MED26: variants seen among roughly 807,000 people sequenced by gnomAD.
The protein encoded by MED26 is mediator of RNA polymerase II transcription subunit 26.
A neutral mutation model predicts 43.7 loss-of-function variants in MED26; 7 were observed. The ratio of observed to expected loss-of-function variants is 0.16; its 90% confidence interval spans 0.09 to 0.30. The LOEUF is 0.30. MED26 is among the 10% of genes least tolerant of loss of function. The pLI is 1.00. For missense variants in MED26, 784 were observed against 840.6 expected (o/e 0.93, Z 0.83); for synonymous variants, 375 against 371.1 (o/e 1.01, Z -0.12).
At chr19:16,611,522 T>G (rs2086199357) in intron 1 of MED26, 1 of 152,148 alleles carries the variant, frequency 6.6e-6, no homozygotes. Flanking sequence ...CAGCCTACTT[T>G]TATTTTCATT....
At chr19:16,617,248 C>G (rs1035804998) in intron 1 of MED26, among the ~76,000 whole-genome samples, 1 of 152,210 alleles carries the variant, frequency 6.6e-6, no homozygotes, top group African/African-American at 2.4e-5. Flanking sequence ...AACGTGCCCC[C>G]TCCCCATTCC....
intron 1 of MED26, among the ~76,000 whole-genome samples, chr19:16,582,057 C>G (rs1405954404): frequency 6.6e-6 from 1 of 152,272 alleles, no homozygotes; most frequent in Non-Finnish European, 1.5e-5. Flanking sequence ...TTCCTGGATC[C>G]CAGCCCGGTG....
rs994115076 is a variant in MED26, at chr19:16,587,970, C to T, written c.73-9561G>A. 1 of 152,304 alleles carries T rather than the reference C, an allele frequency of 6.6e-6. No individual in the cohort carries two copies. Among genetic ancestry groups the T allele is most frequent in the African/African-American group, 2.4e-5 (1 of 41,444 alleles). The allele number at this position is 152,304 out of a possible 1,614,324, so 9.4% of individuals were successfully genotyped here. On this transcript the variant is annotated intron_variant, in intron 1 of 2. Coordinates refer to ENST00000263390, the MANE Select transcript of MED26 (RefSeq NM_004831.5). This position sits in a 1 kb window ranked among gnomAD's most constrained non-coding sequence, Gnocchi z 4.9. The stretch of plus-strand genomic sequence containing the variant: ...GGCAGGCAGCGCTGCTCTCCACAGC[C>T]ACTGCCCCCACAGCGTCCTTCCCTC...
rs375036248 is a variant in MED26, at chr19:16,595,449, C to CCCCA, written c.73-17044_73-17041dup. Among the ~76,000 whole-genome samples the CCCCA allele has an allele frequency of 2.0e-3, 303 of 152,312 alleles. 2 individuals are homozygous for CCCCA. Among genetic ancestry groups the CCCCA allele is most frequent in the African/African-American group, 6.7e-3 (279 of 41,552 alleles). ...GTTGTCAGATGTGCGCTGTCTTGAA[C>CCCCA]CCCAGCAGCCTCAGGAGGTGAGATG... is the stretch of plus-strand genomic sequence containing the variant. On this transcript the variant is annotated intron_variant, in intron 1 of 2. Coordinates refer to ENST00000263390, the MANE Select transcript of MED26 (RefSeq NM_004831.5).
intron 1 of MED26, among the ~76,000 whole-genome samples, chr19:16,625,355 G>A (rs558847801): frequency 1.3e-5 from 2 of 152,328 alleles, no homozygotes; most frequent in South Asian, 2.1e-4. Flanking sequence ...ACACGACTTC[G>A]TCACTTCCCT....
At chr19:16,624,953 C>G (rs1160344617) in intron 1 of MED26, among the ~76,000 whole-genome samples, 2 of 152,158 alleles carry the variant, frequency 1.3e-5, no homozygotes, top group African/African-American at 4.8e-5. Flanking sequence ...CTCCACAGAA[C>G]GAGTGTCCCA....
At chr19:16,590,258 A>G (rs2086089827) in intron 1 of MED26, among the ~76,000 whole-genome samples, 1 of 151,898 alleles carries the variant, frequency 6.6e-6, no homozygotes, top group African/African-American at 2.4e-5. Flanking sequence ...CGCCCCCTCC[A>G]CCCCCAACAG....
chr19:16,620,207 A>G (rs1383403682), intron 1 of MED26, among the ~76,000 whole-genome samples: 2 of 152,168 alleles, frequency 1.3e-5, no homozygotes, highest in Non-Finnish European at 2.9e-5. Flanking sequence ...AGCTGGACCC[A>G]GGCAAGAAAG....
intron 1 of MED26, among the ~76,000 whole-genome samples, chr19:16,593,371 A>C (rs752397593): frequency 3.9e-4 from 59 of 152,110 alleles, no homozygotes; most frequent in Non-Finnish European, 7.2e-4. Flanking sequence ...ACCTGCCCAC[A>C]CATCTGCTCA....
In MED26 at chr19:16,575,034, C is replaced by T. The variant is rs1001046533; in HGVS notation, c.*993G>A. 1 of 152,318 alleles carries T rather than the reference C, an allele frequency of 6.6e-6. No individual in the cohort carries two copies. The highest frequency in any genetic ancestry group is 6.6e-5 in the Admixed American group (1 of 15,242). The allele number at this position is 152,318 out of a possible 1,614,324, so 9.4% of individuals were successfully genotyped here. ...AGAACACAGAAGTCTAGGTACTGTA[C>T]ATTCACTAAGGCTCCTTGTTTTTGC... On this transcript the variant is annotated 3_prime_UTR_variant, in exon 3 of 3. Transcript: ENST00000263390.
At chr19:16,607,375 G>GA (rs898413432) in intron 1 of MED26, among the ~76,000 whole-genome samples, 6,479 of 111,414 alleles carry the variant, frequency 0.058, 180 homozygotes, top group Non-Finnish European at 0.067. Context: ...CTTTTGTGGG[G>GA]AAAAAAAAAA....
intron 1 of MED26, chr19:16,597,536 T>G: frequency 2.5e-6 from 1 of 398,404 alleles, no homozygotes. Flanking sequence ...GTTAAGTTTG[T>G]TTGCAAAGTT....
Position 16,627,902 on chromosome 19 carries a change from C to A in MED26, c.42G>T (p.Arg14=). Residue 14 remains arginine, a synonymous_variant, in exon 1 of 3, where the codon CGG becomes CGT. Coordinates refer to ENST00000263390, the MANE Select transcript of MED26 (RefSeq NM_004831.5). The part of the protein sequence containing the change: ...APASPQQIRD[R]LLQAIDPQSN... ...TCTGGGGGTCGATGGCCTGCAGCAG[C>A]CGGTCCCTGATCTGCTGCGGAGACG... 1 of 1,502,206 alleles carries A rather than the reference C, an allele frequency of 6.7e-7. No individual in the cohort carries two copies. Among genetic ancestry groups the A allele is most frequent in the South Asian group, 1.3e-5 (1 of 79,698 alleles). The allele number at this position is 1,502,206 out of a possible 1,614,324, so 93.1% of individuals were successfully genotyped here.
At chr19:16,601,792 G>C (rs2086150894) in intron 1 of MED26, among the ~76,000 whole-genome samples, 1 of 152,274 alleles carries the variant, frequency 6.6e-6, no homozygotes, top group South Asian at 2.1e-4. Context: ...CCTCCCGGCA[G>C]GCCACCCCGG....
At chr19:16,606,636 TAAG>T (rs1202266791) in intron 1 of MED26, among the ~76,000 whole-genome samples, 2 of 152,196 alleles carry the variant, frequency 1.3e-5, no homozygotes, top group African/African-American at 4.8e-5. Context: ...GAGCGGGGGA[TAAG>T]CAAATGTGGC....
intron 1 of MED26, among the ~76,000 whole-genome samples, chr19:16,619,289 G>C (rs2086240296): frequency 6.6e-6 from 1 of 152,212 alleles, no homozygotes; most frequent in African/African-American, 2.4e-5. Flanking sequence ...CATGCAAGAT[G>C]CACCTGGGAG....
intron 1 of MED26, among the ~76,000 whole-genome samples, chr19:16,623,558 G>A (rs1401087932): frequency 6.6e-6 from 1 of 152,184 alleles, no homozygotes. Flanking sequence ...GTCTGGCCCA[G>A]GTTTCTGTCT....
At chr19:16,621,403 G>A (rs2086251011) in intron 1 of MED26, among the ~76,000 whole-genome samples, 1 of 152,252 alleles carries the variant, frequency 6.6e-6, no homozygotes, top group South Asian at 2.1e-4. Flanking sequence ...AGAGACTGCT[G>A]CTGGCACACA....
At chr19:16,578,175 G>A in intron 2 of MED26, 160 bp downstream of exon 2, 1 of 720,304 alleles carries the variant, frequency 1.4e-6, no homozygotes, top group Non-Finnish European at 2.5e-6. Flanking sequence ...GTGCCCGTGG[G>A]AGAGCAAGAT....
Sources: allele counts gnomAD v4.1 joint callset (sites outside exome capture counted in the v4.1 genomes callset), GRCh38; gene constraint gnomAD v4.1.1; non-coding constraint Gnocchi (gnomAD v3.1); transcripts MANE v1.5; gene names NCBI Gene and HGNC (gene_info 2026-07-23, HGNC 2026-07-21).